Variants in MRM3 observed in about 807,000 individuals in gnomAD.
MRM3 encodes rRNA methyltransferase 3, mitochondrial.
Under a neutral mutation model 29.4 loss-of-function variants are expected in MRM3, and 26 were observed. The observed-to-expected ratio is 0.89, with a 90% CI of 0.65 to 1.23. The LOEUF is 1.23. Ranked by LOEUF, MRM3 falls within the 50% of genes most tolerant of loss-of-function variation. MRM3 has a pLI of 0.00. For missense variants in MRM3, 578 were observed against 540.2 expected (o/e 1.07, Z -0.69); for synonymous variants, 225 against 219.0 (o/e 1.03, Z -0.24).
At chr17:784,926 G>A (rs1910465462) in intron 2 of MRM3, among the ~76,000 whole-genome samples, 1 of 152,152 alleles carries the variant, frequency 6.6e-6, no homozygotes, top group Non-Finnish European at 1.5e-5. Flanking sequence ...TGGTGGATAG[G>A]CTTTTTACCT....
intron 3 of MRM3, chr17:790,294 C>T (rs1910729853): frequency 6.5e-6 from 1 of 152,814 alleles, no homozygotes; most frequent in Non-Finnish European, 1.5e-5. Context: ...TGCCTCATCT[C>T]TAGAGTGTTC....
Position 792,380 on chromosome 17 carries a change from C to T in MRM3, c.*311C>T, listed in dbSNP as rs1041719871. On this transcript the variant is annotated 3_prime_UTR_variant, in exon 4 of 4. Transcript: ENST00000304478. ...GAAAGTTCCTGAAGCATCATCCTGGCAGGGAGGCGCCTGCTCCACCAGCTG... is the reference window on the plus strand; with the variant it reads ...GAAAGTTCCTGAAGCATCATCCTGGTAGGGAGGCGCCTGCTCCACCAGCTG... 1.7e-5 allele frequency: 5 copies of T among 293,364 alleles called. No homozygotes were observed. The highest frequency in any genetic ancestry group is 3.2e-5 in the Non-Finnish European group (5 of 156,914). The allele number at this position is 293,364 out of a possible 1,614,324, so 18.2% of individuals were successfully genotyped here.
Position 792,247 on chromosome 17 carries a change from C to G in MRM3, c.*178C>G. ...CAGAAAGAACAGGTCCGAATTCTTC[C>G]TGTCGCGTCACTGATTTTGAGGTTC... On this transcript the variant is annotated 3_prime_UTR_variant, in exon 4 of 4. Transcript: ENST00000304478. The G allele has an allele frequency of 3.4e-6, 2 of 595,702 alleles. No homozygotes were observed. The highest frequency in any genetic ancestry group is 5.6e-6 in the Non-Finnish European group (2 of 357,164). 36.9% of individuals were successfully genotyped at this position (595,702 alleles called of 1,614,324 possible).
At chr17:786,722 T>C (rs1910552669) in intron 2 of MRM3, among the ~76,000 whole-genome samples, 1 of 152,206 alleles carries the variant, frequency 6.6e-6, no homozygotes, top group Admixed American at 6.5e-5. Context: ...AACAGGTATT[T>C]ATGAGTTCCT....
At position 787,432 on chromosome 17, in the gene MRM3, A is replaced by G. The variant is rs778032694; in HGVS notation, c.560-533A>G. On this transcript the variant is annotated intron_variant, in intron 2 of 3. Transcript: ENST00000304478. This position sits in a 1 kb window ranked among gnomAD's most constrained non-coding sequence, Gnocchi z 4.1. Reference sequence around the variant, plus strand: ...TGCATATATATAGGTAGATGCATAGAACAAGTTCTAAAAGGATACACTCCA... The same window carrying G: ...TGCATATATATAGGTAGATGCATAGGACAAGTTCTAAAAGGATACACTCCA... 6.6e-6 allele frequency among the ~76,000 whole-genome samples: 1 copy of G among 152,236 alleles called. No individual in the cohort carries two copies. Among genetic ancestry groups the G allele is most frequent in the Admixed American group, 6.5e-5 (1 of 15,292 alleles).
intron 3 of MRM3, 67 bp downstream of exon 3, chr17:788,199 A>G: frequency 6.5e-7 from 1 of 1,540,852 alleles, no homozygotes; most frequent in Non-Finnish European, 8.9e-7. Flanking sequence ...AGGCCGAGGC[A>G]GGAGGGTCAC....
intron 2 of MRM3, 192 bp downstream of exon 2, chr17:783,519 T>A: frequency 2.0e-6 from 1 of 502,670 alleles, no homozygotes; most frequent in Non-Finnish European, 3.4e-6. Flanking sequence ...GTATTTTTAG[T>A]AGAGGTGGGG....
At chr17:784,795 A>G (rs901456349) in intron 2 of MRM3, among the ~76,000 whole-genome samples, 1 of 152,170 alleles carries the variant, frequency 6.6e-6, no homozygotes, top group African/African-American at 2.4e-5. Flanking sequence ...CAGACATCCA[A>G]GTAGAAGTAA....
intron 3 of MRM3, 129 bp downstream of exon 3, chr17:788,261 C>A: frequency 1.2e-6 from 1 of 863,236 alleles, no homozygotes; most frequent in Admixed American, 2.7e-5. Flanking sequence ...GACCTCATCT[C>A]TACAAAAAAA....
chr17:789,747 T>C (rs1250308562), intron 3 of MRM3: 1 of 152,246 alleles, frequency 6.6e-6, no homozygotes, highest in East Asian at 1.9e-4. Context: ...CTGATAGCTG[T>C]TGTGGGATTT....
intron 1 of MRM3, 97 bp from the exon 2 acceptor site, chr17:782,986 C>T: frequency 2.7e-6 from 4 of 1,491,344 alleles, no homozygotes; most frequent in Non-Finnish European, 2.7e-6. Context: ...CCGCGCCCGG[C>T]CCTCTCCGTA....
At chr17:785,378 T>G (rs1910486569) in intron 2 of MRM3, among the ~76,000 whole-genome samples, 1 of 151,550 alleles carries the variant, frequency 6.6e-6, no homozygotes, top group Non-Finnish European at 1.5e-5. Flanking sequence ...CTTTAGAGAT[T>G]AATAATGTAG....
At chr17:791,328 A>G (rs984767211) in intron 3 of MRM3, among the ~76,000 whole-genome samples, 1 of 152,148 alleles carries the variant, frequency 6.6e-6, no homozygotes, top group African/African-American at 2.4e-5. Context: ...GAAGGGATGC[A>G]TAAAATATCT....
Position 782,451 on chromosome 17 carries a change from G to C in MRM3, c.73G>C (p.Asp25His), listed in dbSNP as rs774641336. Residue 25 changes from aspartate (D) to histidine (H), a missense_variant, in exon 1 of 4, where the codon GAC (aspartate) becomes CAC (histidine). Physicochemically the swap from Asp to His is moderately conservative, Grantham distance 81. Transcript: ENST00000304478. ...LLQVVQAWDL[D>H]ARRWVRALRR... ...GCAGGTGGTCCAGGCTTGGGACCTTGACGCGAGGCGCTGGGTCCGGGCGCT... is the reference window on the plus strand; with the variant it reads ...GCAGGTGGTCCAGGCTTGGGACCTTCACGCGAGGCGCTGGGTCCGGGCGCT... The C allele has an allele frequency of 9.3e-6, 15 of 1,613,936 alleles. No individual in the cohort carries two copies. Among genetic ancestry groups the C allele is most frequent in the Non-Finnish European group, 1.3e-5 (15 of 1,179,924 alleles).
At chr17:784,764 T>C (rs1910452099) in intron 2 of MRM3, among the ~76,000 whole-genome samples, 4 of 152,156 alleles carry the variant, frequency 2.6e-5, no homozygotes, top group Admixed American at 2.6e-4. Flanking sequence ...AGGGCCTCCG[T>C]ATAGTGGGTT....
At chr17:786,164 G>C (rs536969702) in intron 2 of MRM3, among the ~76,000 whole-genome samples, 3 of 152,206 alleles carry the variant, frequency 2.0e-5, no homozygotes, top group African/African-American at 7.2e-5. Flanking sequence ...GCAGTGGCGC[G>C]ATCTTGCCTC....
chr17:782,739 T>C, intron 1 of MRM3, 47 bp downstream of exon 1: 1 of 1,545,758 alleles, frequency 6.5e-7, no homozygotes, highest in East Asian at 2.3e-5. Context: ...TCCCTTCCCG[T>C]CGCACAGCGG....
intron 2 of MRM3, among the ~76,000 whole-genome samples, chr17:786,465 C>T (rs1288581249): frequency 2.0e-5 from 3 of 152,118 alleles, no homozygotes; most frequent in Non-Finnish European, 4.4e-5. Flanking sequence ...TTAGTAGAGA[C>T]AGGGTTTCAC....
intron 3 of MRM3, among the ~76,000 whole-genome samples, chr17:791,238 T>C (rs1910805810): frequency 6.6e-6 from 1 of 152,178 alleles, no homozygotes; most frequent in Admixed American, 6.5e-5. Flanking sequence ...CCCACTACAC[T>C]GTGCGTTCCT....
Sources: gnomAD v4.1 joint callset for allele counts (sites outside exome capture counted in the v4.1 genomes callset) on GRCh38, gnomAD v4.1.1 for gene constraint, Gnocchi (gnomAD v3.1) non-coding constraint, MANE v1.5 for transcripts, NCBI Gene and HGNC (gene_info 2026-07-23, HGNC 2026-07-21) for gene names.